Variants in NLRP5 observed in about 807,000 individuals in gnomAD.
NLRP5 encodes NACHT, LRR and PYD domains-containing protein 5.
In NLRP5, 93 loss-of-function variants were observed where a neutral mutation model predicts 113.1. The ratio of observed to expected loss-of-function variants is 0.82; its 90% CI spans 0.70 to 0.98. The LOEUF (loss-of-function observed/expected upper bound fraction) is 0.98, where lower values mean the gene tolerates loss of function less well. Among genes scored for constraint, NLRP5 ranks in the 50% least tolerant of loss-of-function variants. The pLI is 0.00. For missense variants in NLRP5, 1,808 were observed against 1,514.3 expected (o/e 1.19, Z -3.22); for synonymous variants, 751 against 600.7 (o/e 1.25, Z -3.66).
chr19:56,055,169 T>A (rs2123341597), intron 13 of NLRP5, among the ~76,000 whole-genome samples: 1 of 151,922 alleles, frequency 6.6e-6, no homozygotes, highest in Non-Finnish European at 1.5e-5. Flanking sequence ...TTTTTGTATG[T>A]TTAGCAGAGA....
At chr19:56,044,310 T>C (rs925994804) in intron 11 of NLRP5, among the ~76,000 whole-genome samples, 1 of 152,126 alleles carries the variant, frequency 6.6e-6, no homozygotes, top group Admixed American at 6.6e-5. Flanking sequence ...CACCTCAGCC[T>C]CCCAAAGTGC....
At chr19:55,995,565 C>A (rs2123253037), upstream of NLRP5, among the ~76,000 whole-genome samples, 1 of 152,168 alleles carries the variant, frequency 6.6e-6, no homozygotes, top group Non-Finnish European at 1.5e-5. Context: ...ATTGTTTGGG[C>A]TACTTGGGAT....
chr19:56,032,681 C>T lies in NLRP5; in HGVS notation c.2347C>T (p.Leu783=), dbSNP rs755767019. ...CTCCATGCTTGGCACCCACCCACAC[C>T]TGCGGCAGCTGGACCTGGGCAGCAG... Residue 783 remains leucine (L), a synonymous_variant, in exon 8 of 15, where the codon CTG becomes TTG. Coordinates refer to ENST00000390649, the MANE Select transcript of NLRP5 (RefSeq NM_153447.4). 1.2e-6 allele frequency: 2 copies of T among 1,613,574 alleles called. No individual in the cohort carries two copies. Among genetic ancestry groups the T allele is most frequent in the Non-Finnish European group, 8.5e-7 (1 of 1,179,794 alleles).
At chr19:56,020,139 C>T (rs1982561891) in intron 5 of NLRP5, among the ~76,000 whole-genome samples, 1 of 151,882 alleles carries the variant, frequency 6.6e-6, no homozygotes, top group South Asian at 2.1e-4. Flanking sequence ...ACCTACCCCT[C>T]ATTTTAATAA....
Position 56,036,058 on chromosome 19 carries a change from C to CTTTTTTTTTTTTTTTTTT in NLRP5, c.2616-1962_2616-1945dup, listed in dbSNP as rs34956178. On this transcript the variant is annotated intron_variant, in intron 9 of 14. Transcript: ENST00000390649. ...ACATGCTGATGAATGAATTGAGATT[C>CTTTTTTTTTTTTTTTTTT]TTTTTTTTTTTTTTTTTTTTTTGGA... Among the ~76,000 whole-genome samples the CTTTTTTTTTTTTTTTTTT allele has an allele frequency of 1.7e-3, 132 of 76,998 alleles. 19 individuals carry two copies. The highest frequency in any genetic ancestry group is 5.6e-3 in the African/African-American group (99 of 17,612). 50.5% of individuals were successfully genotyped at this position (76,998 alleles called of 152,430 possible).
chr19:56,028,206 C>T lies in NLRP5; in HGVS notation c.1973C>T (p.Pro658Leu). ...GAGGTCCTGCTGGGCTGTCCCGTTC[C>T]CCTGGGGGTGAAGCAGAAGCTTCTG... Residue 658 changes from proline (P) to leucine (L), a missense_variant, in exon 7 of 15, where the codon CCC becomes CTC. Transcript: ENST00000390649. The T allele has an allele frequency of 6.2e-7, 1 of 1,613,876 alleles. No individual in the cohort carries two copies. Among genetic ancestry groups the T allele is most frequent in the Non-Finnish European group, 8.5e-7 (1 of 1,179,896 alleles).
At chr19:56,020,295 G>T in intron 5 of NLRP5, 80 bp from the exon 6 acceptor site, 4 of 1,551,116 alleles carry the variant, frequency 2.6e-6, no homozygotes, top group Non-Finnish European at 3.5e-6. Flanking sequence ...AATATGGCAT[G>T]ACTAAGCTTA....
At position 56,008,810 on chromosome 19, in the gene NLRP5, A is replaced by G; in HGVS notation, c.465A>G (p.Glu155=). 1 of 1,611,974 alleles carries G rather than the reference A, an allele frequency of 6.2e-7. No homozygotes were observed. The highest frequency in any genetic ancestry group is 8.5e-7 in the Non-Finnish European group (1 of 1,179,056). ...CAGGACATTCACCAGAAGATCCTGAAGCAACGATGACTGACCAAGGACCAA... is the reference window on the plus strand; with the variant it reads ...CAGGACATTCACCAGAAGATCCTGAGGCAACGATGACTGACCAAGGACCAA... Residue 155 remains glutamate, a synonymous_variant, in exon 3 of 15, where the codon GAA becomes GAG. Transcript: ENST00000390649.
intron 5 of NLRP5, 100 bp from the exon 6 acceptor site, chr19:56,020,275 C>T (rs1185685902): frequency 2.7e-5 from 39 of 1,421,010 alleles, no homozygotes; most frequent in Non-Finnish European, 3.7e-5. Flanking sequence ...TTTCAACTGG[C>T]CAGAAAATAA....
chr19:56,050,276 CA>C (rs5828668), intron 11 of NLRP5, 141 bp from the exon 12 acceptor site: 3,543 of 537,138 alleles, frequency 6.6e-3, no homozygotes, highest in East Asian at 0.016. Context: ...CAAGACTCCT[CA>C]AAAAAAAAAA....
chr19:56,024,391 T>G (rs1433352068), intron 6 of NLRP5, among the ~76,000 whole-genome samples: 2 of 125,192 alleles, frequency 1.6e-5, no homozygotes, highest in Non-Finnish European at 3.4e-5. Context: ...ATATAACATA[T>G]ATACATATAT....
At chr19:55,998,773 AC>A (rs1478341073), upstream of NLRP5, among the ~76,000 whole-genome samples, 1 of 143,878 alleles carries the variant, frequency 7.0e-6, no homozygotes, top group African/African-American at 2.6e-5. Flanking sequence ...CTGCAGATTC[AC>A]AAATTGAAGC....
chr19:56,058,249 A>G lies in NLRP5; in HGVS notation c.3309A>G (p.Ala1103=), dbSNP rs1984229223. 6.2e-7 allele frequency: 1 copy of G among 1,613,592 alleles called. No homozygotes were observed. The highest frequency in any genetic ancestry group is 1.1e-5 in the South Asian group (1 of 90,998). ...TGTCCTGACCCTGCAGGTTGAAGGC[A>G]TGTGGACTGACTTCTGATTGCTGTG... Residue 1103 remains alanine, a synonymous_variant, in exon 14 of 15, where the codon GCA becomes GCG. Transcript: ENST00000390649.
chr19:56,050,359 T>C (rs1568501935), intron 11 of NLRP5, 59 bp from the exon 12 acceptor site: 1 of 1,534,710 alleles, frequency 6.5e-7, no homozygotes, highest in Admixed American at 1.7e-5. Context: ...AGCAGCTCAC[T>C]TGAGGCCATG....
chr19:56,060,437 A>G (rs888928918), intron 14 of NLRP5, among the ~76,000 whole-genome samples: 1 of 152,144 alleles, frequency 6.6e-6, no homozygotes, highest in Admixed American at 6.6e-5. Flanking sequence ...AATGAAACCA[A>G]TGTTTTCTCG....
intron 9 of NLRP5, among the ~76,000 whole-genome samples, chr19:56,034,676 G>A (rs1305631642): frequency 2.6e-5 from 4 of 152,096 alleles, no homozygotes; most frequent in Admixed American, 6.6e-5. Context: ...GTGGTACATC[G>A]TCGCCTGAAA....
Position 56,052,458 on chromosome 19 carries a change from C to T in NLRP5, c.3129-1180C>T, listed in dbSNP as rs529105978. On this transcript the variant is annotated intron_variant, in intron 12 of 14. Transcript: ENST00000390649. ...TACTTTTTTGTATTTTTAGTAGAGA[C>T]GGGGTTTCACCATGTTGGTCAGGCT... Among the ~76,000 whole-genome samples the T allele has an allele frequency of 1.3e-3, 191 of 152,060 alleles. 1 individual carries two copies. The highest frequency in any genetic ancestry group is 4.4e-3 in the African/African-American group (182 of 41,494).
chr19:56,061,465 A>G lies in NLRP5; in HGVS notation c.3540A>G (p.Arg1180=), dbSNP rs199872267. 2 of 1,614,028 alleles carry G rather than the reference A, an allele frequency of 1.2e-6. No homozygotes were observed. The highest frequency in any genetic ancestry group is 2.2e-5 in the East Asian group (1 of 44,884). ...AGGAAGTGCAGCTACTCAAGCCCCGAGTCGTAATTGACGGTAGTTGGCATT... is the reference window on the plus strand; with the variant it reads ...AGGAAGTGCAGCTACTCAAGCCCCGGGTCGTAATTGACGGTAGTTGGCATT... Residue 1180 remains arginine (R), a synonymous_variant, in exon 15 of 15, where the codon CGA becomes CGG. Transcript: ENST00000390649.
the NLRP5 span, among the ~76,000 whole-genome samples, chr19:55,991,433 T>G: frequency 6.6e-6 from 1 of 152,182 alleles, no homozygotes. Context: ...TTGGATGATA[T>G]TATACTGATG....
Sources: gnomAD v4.1 joint callset for allele counts (sites outside exome capture counted in the v4.1 genomes callset) on GRCh38, gnomAD v4.1.1 for gene constraint, MANE v1.5 for transcripts, NCBI Gene and HGNC (gene_info 2026-07-23, HGNC 2026-07-21) for gene names.